SPOCK3: variants seen among roughly 807,000 people sequenced by gnomAD.
The protein encoded by SPOCK3 is testican-3.
In SPOCK3, 30 loss-of-function variants were observed where a neutral mutation model predicts 56.6. The observed-to-expected ratio is 0.53, with a 90% CI of 0.40 to 0.72. SPOCK3 has a LOEUF of 0.72. Ranked by LOEUF, SPOCK3 falls within the 30% of genes least tolerant of loss-of-function variation. SPOCK3 has a pLI of 0.00. For missense variants in SPOCK3, 527 were observed against 530.0 expected, an observed-to-expected ratio of 0.99 and a Z score of 0.06; for synonymous variants, 196 against 183.3, an observed-to-expected ratio of 1.07 and a Z score of -0.56.
intron 3 of SPOCK3, 79 bp downstream of exon 3, chr4:167,062,413 A>G (rs1013324742): frequency 1.1e-4 from 118 of 1,122,176 alleles, no homozygotes; most frequent in Non-Finnish European, 1.5e-4. Flanking sequence ...AAGCCTAACC[A>G]GACAGTAAAT....
chr4:166,946,424 G>GC (rs1193638465), intron 4 of SPOCK3, among the ~76,000 whole-genome samples: 2 of 152,264 alleles, frequency 1.3e-5, no homozygotes, highest in African/African-American at 4.8e-5. Context: ...CTGCTCCTGC[G>GC]CGTTGGCCTT....
At chr4:167,143,661 T>C (rs1196856374) in intron 2 of SPOCK3, among the ~76,000 whole-genome samples, 1 of 151,918 alleles carries the variant, frequency 6.6e-6, no homozygotes, top group Non-Finnish European at 1.5e-5. Flanking sequence ...TGGTTTATAA[T>C]AGCATCTTAT....
chr4:166,777,300 A>G (rs965809205), intron 7 of SPOCK3, among the ~76,000 whole-genome samples: 37 of 152,350 alleles, frequency 2.4e-4, no homozygotes, highest in African/African-American at 8.7e-4. Flanking sequence ...ATATTTTGTA[A>G]ACATTCCCAA....
intron 6 of SPOCK3, among the ~76,000 whole-genome samples, chr4:166,799,021 T>C (rs574701470): frequency 3.9e-5 from 6 of 152,262 alleles, no homozygotes; most frequent in African/African-American, 1.4e-4. Flanking sequence ...AATGCCAAGA[T>C]TTTTTAAGGA....
intron 3 of SPOCK3, among the ~76,000 whole-genome samples, chr4:167,024,465 A>G (rs909076607): frequency 6.6e-6 from 1 of 152,044 alleles, no homozygotes; most frequent in Non-Finnish European, 1.5e-5. Flanking sequence ...AATAAATTCT[A>G]TTAGATTATG....
intron 4 of SPOCK3, among the ~76,000 whole-genome samples, chr4:166,936,314 C>T (rs990759783): frequency 1.3e-5 from 2 of 151,954 alleles, no homozygotes; most frequent in Non-Finnish European, 2.9e-5. Context: ...TAATTAATCA[C>T]AATTAATTTT....
chr4:166,869,606 CTGTGTGTG>C (rs34623275), intron 6 of SPOCK3, among the ~76,000 whole-genome samples: 143 of 141,928 alleles, frequency 1.0e-3, no homozygotes, highest in East Asian at 4.7e-3. Context: ...CAATAGAATT[CTGTGTGTG>C]TGTGTGTGTG....
intron 2 of SPOCK3, among the ~76,000 whole-genome samples, chr4:167,076,127 T>C (rs1021780651): frequency 3.3e-5 from 5 of 151,898 alleles, no homozygotes; most frequent in African/African-American, 1.2e-4. Flanking sequence ...AAAAGATCAA[T>C]GGTTGCCAGG....
intron 3 of SPOCK3, among the ~76,000 whole-genome samples, chr4:167,044,391 G>C (rs1753526232): frequency 6.6e-6 from 1 of 151,252 alleles, no homozygotes; most frequent in African/African-American, 2.4e-5. Flanking sequence ...ACCAGTTTCT[G>C]GTTTTGTTGT....
At chr4:167,148,090 G>A (rs1485802739) in intron 2 of SPOCK3, among the ~76,000 whole-genome samples, 1 of 152,126 alleles carries the variant, frequency 6.6e-6, no homozygotes, top group African/African-American at 2.4e-5. Context: ...CTGCAATGAT[G>A]GAGATATGGC....
At chr4:166,952,245 C>T (rs578106992) in intron 4 of SPOCK3, among the ~76,000 whole-genome samples, 1 of 152,108 alleles carries the variant, frequency 6.6e-6, no homozygotes, top group Non-Finnish European at 1.5e-5. Flanking sequence ...TCTCAGGATA[C>T]AAAATCAATG....
intron 2 of SPOCK3, among the ~76,000 whole-genome samples, chr4:167,149,306 A>G (rs1297488853): frequency 6.6e-6 from 1 of 152,166 alleles, no homozygotes; most frequent in Non-Finnish European, 1.5e-5. Flanking sequence ...ATGCTGATTT[A>G]CTTACTCATG....
At chr4:166,769,126 G>T (rs1408449694) in intron 7 of SPOCK3, among the ~76,000 whole-genome samples, 1 of 140,204 alleles carries the variant, frequency 7.1e-6, no homozygotes, top group African/African-American at 3.0e-5. Context: ...TTTTTGTTGG[G>T]TTCAAACTTC....
chr4:167,142,018 C>A (rs1763573692), intron 2 of SPOCK3, among the ~76,000 whole-genome samples: 1 of 151,998 alleles, frequency 6.6e-6, no homozygotes, highest in African/African-American at 2.4e-5. Flanking sequence ...GGACCAATGG[C>A]TTCTAAAGGA....
chr4:166,816,321 C>T (rs1744373169), intron 6 of SPOCK3, among the ~76,000 whole-genome samples: 2 of 152,026 alleles, frequency 1.3e-5, no homozygotes, highest in Admixed American at 6.5e-5. Flanking sequence ...TTAGTATGTG[C>T]TGTCCTTCTA....
chr4:167,147,700 A>G (rs1190242417), intron 2 of SPOCK3, among the ~76,000 whole-genome samples: 1 of 152,162 alleles, frequency 6.6e-6, no homozygotes. Context: ...TCAGCAAACT[A>G]TCACAAGAAG....
At chr4:166,963,629 CTTT>C (rs896114029) in intron 4 of SPOCK3, among the ~76,000 whole-genome samples, 1 of 151,750 alleles carries the variant, frequency 6.6e-6, no homozygotes, top group African/African-American at 2.4e-5. Context: ...CACTTTATTT[CTTT>C]TTTTATTCAA....
At chr4:167,002,898 CAATT>C (rs781247504) in intron 3 of SPOCK3, among the ~76,000 whole-genome samples, 3 of 152,148 alleles carry the variant, frequency 2.0e-5, no homozygotes, top group African/African-American at 4.8e-5. Flanking sequence ...TTCTGCCTAA[CAATT>C]AAATAATGTA....
chr4:167,071,314 A>G (rs1357661532), intron 2 of SPOCK3, among the ~76,000 whole-genome samples: 3 of 152,082 alleles, frequency 2.0e-5, no homozygotes, highest in Admixed American at 6.6e-5. Context: ...ATAGGTATAC[A>G]TGTGCCATGT....
Sources: allele counts gnomAD v4.1 joint callset (sites outside exome capture counted in the v4.1 genomes callset), GRCh38; gene constraint gnomAD v4.1.1; transcripts MANE v1.5; gene names NCBI Gene and HGNC (gene_info 2026-07-23, HGNC 2026-07-21).